CTCFL: variants seen among roughly 807,000 people sequenced by gnomAD.
The protein encoded by CTCFL is transcriptional repressor CTCFL.
Under a neutral mutation model 67.4 loss-of-function variants are expected in CTCFL, and 36 were observed. The ratio of observed to expected loss-of-function variants is 0.53; its 90% confidence interval spans 0.41 to 0.71. The LOEUF (loss-of-function observed/expected upper bound fraction) is 0.71. CTCFL is among the 30% of genes least tolerant of loss of function. The probability of loss-of-function intolerance (pLI) is 0.00; values close to 1 mark genes in which losing one functional copy is unlikely to be tolerated. For missense variants in CTCFL, 786 were observed against 835.2 expected (o/e 0.94, Z 0.73); for synonymous variants, 324 against 302.3 (o/e 1.07, Z -0.75).
intron 1 of CTCFL, 75 bp from the exon 2 acceptor site, chr20:57,524,291 G>A: frequency 6.5e-7 from 1 of 1,529,230 alleles, no homozygotes; most frequent in South Asian, 1.3e-5. Context: ...GGGGGGTGCT[G>A]GAACCTAGCA....
intron 3 of CTCFL, among the ~76,000 whole-genome samples, chr20:57,520,866 A>AAG (rs2146442088): frequency 6.6e-6 from 1 of 152,360 alleles, no homozygotes; most frequent in African/African-American, 2.4e-5. Flanking sequence ...TGCAGATGCA[A>AAG]TCAAGCTAAG....
rs1021043560 is a variant in CTCFL, at chr20:57,505,280, G to A, written c.1675-1679C>T. ...ATTTATTTATTTATTTTTTGAGACG[G>A]AGTCTTGCTCTTTCGTCTAGGCTGG... On this transcript the variant is annotated intron_variant, in intron 9 of 10. Coordinates refer to ENST00000243914, the MANE Select transcript of CTCFL (RefSeq NM_001386993.1). 4.6e-5 allele frequency among the ~76,000 whole-genome samples: 7 copies of A among 151,648 alleles called. 1 individual carries two copies. The highest frequency in any genetic ancestry group is 1.0e-4 in the Non-Finnish European group (7 of 67,804).
chr20:57,505,294 C>T (rs1004408383), intron 9 of CTCFL, among the ~76,000 whole-genome samples: 13 of 151,658 alleles, frequency 8.6e-5, no homozygotes, highest in African/African-American at 2.7e-4. Flanking sequence ...CTTGCTCTTT[C>T]GTCTAGGCTG....
At chr20:57,521,982 T>C (rs1386415181) in intron 3 of CTCFL, among the ~76,000 whole-genome samples, 1 of 152,180 alleles carries the variant, frequency 6.6e-6, no homozygotes, top group Non-Finnish European at 1.5e-5. Context: ...GTGATAAAAA[T>C]ATTCTGGAAT....
chr20:57,521,820 G>A (rs1255317302), intron 3 of CTCFL, among the ~76,000 whole-genome samples: 2 of 152,164 alleles, frequency 1.3e-5, no homozygotes, highest in Non-Finnish European at 1.5e-5. Flanking sequence ...ATCTAGACAC[G>A]AAAGGCACAT....
At chr20:57,500,012 G>T (rs1003582435) in intron 10 of CTCFL, 1 of 986,914 alleles carries the variant, frequency 1.0e-6, no homozygotes, top group Non-Finnish European at 1.2e-6. Flanking sequence ...TCCACAGAGC[G>T]CCACACTGAA....
intron 7 of CTCFL, chr20:57,513,768 G>A: frequency 8.0e-7 from 1 of 1,252,280 alleles, no homozygotes; most frequent in South Asian, 1.3e-5. Context: ...ATCTCTTTGG[G>A]CAAAAGGGTC....
chr20:57,502,593 A>G (rs1306762820), intron 10 of CTCFL, among the ~76,000 whole-genome samples: 1 of 152,144 alleles, frequency 6.6e-6, no homozygotes, highest in Non-Finnish European at 1.5e-5. Context: ...CCAGTCATCT[A>G]CGGTTCTAAG....
chr20:57,506,241 G>A (rs1483050366), intron 9 of CTCFL, among the ~76,000 whole-genome samples: 4 of 152,204 alleles, frequency 2.6e-5, no homozygotes, highest in African/African-American at 4.8e-5. Flanking sequence ...GATTAATGAC[G>A]CTACGCTTAC....
chr20:57,510,629 C>T (rs188640364), intron 8 of CTCFL, among the ~76,000 whole-genome samples: 4 of 152,210 alleles, frequency 2.6e-5, no homozygotes, highest in South Asian at 2.1e-4. Flanking sequence ...TTTGGGAGGC[C>T]GAGGCGGGCA....
chr20:57,512,903 T>A, intron 7 of CTCFL, 151 bp from the exon 8 acceptor site: 1 of 677,486 alleles, frequency 1.5e-6, no homozygotes, highest in South Asian at 2.1e-5. Context: ...CTGTGCATTG[T>A]AGGATGTTAA....
intron 3 of CTCFL, among the ~76,000 whole-genome samples, chr20:57,520,213 A>T (rs2069249354): frequency 6.6e-6 from 1 of 152,196 alleles, no homozygotes; most frequent in African/African-American, 2.4e-5. Context: ...GGCAGAAATT[A>T]ATATATACCA....
At position 57,497,832 on chromosome 20, in the gene CTCFL, G is replaced by A; in HGVS notation, c.*718C>T. The A allele has an allele frequency of 1.0e-6, 1 of 985,166 alleles. No individual in the cohort carries two copies. The highest frequency in any genetic ancestry group is 1.2e-6 in the Non-Finnish European group (1 of 829,718). 61.0% of individuals were successfully genotyped at this position (985,166 alleles called of 1,614,324 possible). A position where few individuals can be genotyped will look rare whatever the true frequency, so the allele number is the denominator to read the frequency against. ...AGGGCAATTTCATACCTGCCAAGGAGCATAATTAAAAGAGAATACAAAAAT... is the reference window on the plus strand; with the variant it reads ...AGGGCAATTTCATACCTGCCAAGGAACATAATTAAAAGAGAATACAAAAAT... On this transcript the variant is annotated 3_prime_UTR_variant, in exon 11 of 11. Transcript: ENST00000243914.
chr20:57,506,790 GT>G (rs1374274665), intron 9 of CTCFL: 2 of 984,920 alleles, frequency 2.0e-6, no homozygotes, highest in Non-Finnish European at 2.4e-6. Context: ...CCAAAGAGCA[GT>G]TTTTTTCTCT....
At chr20:57,508,929 G>C in intron 8 of CTCFL, 141 bp from the exon 9 acceptor site, 1 of 770,572 alleles carries the variant, frequency 1.3e-6, no homozygotes, top group Admixed American at 3.0e-5. Context: ...AACACATTCT[G>C]AACAAGGCAG....
At chr20:57,507,505 C>T (rs963202035) in intron 9 of CTCFL, 12 of 686,248 alleles carry the variant, frequency 1.7e-5, no homozygotes, top group East Asian at 2.7e-5. Context: ...GCTGTTGTGC[C>T]GCTTTTAGGA....
Position 57,524,036 on chromosome 20 carries a change from T to C in CTCFL, c.170A>G (p.Gln57Arg), listed in dbSNP as rs2069637206. The part of the protein sequence containing the change: ...LEAERTSGAF[Q>R]DSVLEEEVEL... The stretch of plus-strand genomic sequence containing the variant: ...CACTTCTTCCTCCAGGACGCTGTCC[T>C]GGAAGGCCCCAGAGGTACGCTCGGC... Residue 57 changes from glutamine to arginine, a missense_variant, in exon 2 of 11, where the codon CAG becomes CGG. Coordinates refer to ENST00000243914, the MANE Select transcript of CTCFL (RefSeq NM_001386993.1). The C allele has an allele frequency of 3.7e-6, 6 of 1,613,432 alleles. No individual in the cohort carries two copies. The highest frequency in any genetic ancestry group is 1.6e-4 in the Middle Eastern group (1 of 6,084).
intron 1 of CTCFL, 151 bp downstream of exon 1, chr20:57,524,877 G>A: frequency 6.1e-6 from 3 of 490,630 alleles, no homozygotes; most frequent in Non-Finnish European, 7.9e-6. Context: ...TGCCCCCCAC[G>A]CCCCGCCCCG....
rs775952326 is a variant in CTCFL at position 57,515,799 on chromosome 20, A to C, written c.1095T>G (p.Thr365=). ...SKLKRHVRSH[T]GERPFQCCQC... ...GGCAACACTGAAAGGGGCGCTCCCC[A>C]GTGTGGGATCGGACATGGCGCTTCA... is the stretch of plus-strand genomic sequence containing the variant. Residue 365 remains threonine, a synonymous_variant, in exon 6 of 11, where the codon ACT becomes ACG. Transcript: ENST00000243914. 33 of 1,613,954 alleles carry C rather than the reference A, an allele frequency of 2.0e-5. No individual in the cohort carries two copies. The highest frequency in any genetic ancestry group is 5.0e-5 in the Admixed American group (3 of 59,962).
Sources: allele counts gnomAD v4.1 joint callset (sites outside exome capture counted in the v4.1 genomes callset), GRCh38; gene constraint gnomAD v4.1.1; transcripts MANE v1.5; gene names NCBI Gene and HGNC (gene_info 2026-07-23, HGNC 2026-07-21).